MAP4K4: variants seen among roughly 807,000 people sequenced by gnomAD.
The protein encoded by MAP4K4 is HPK/GCK-like kinase HGK.
In MAP4K4, 38 loss-of-function variants were observed where a neutral mutation model predicts 189.6. The observed-to-expected ratio is 0.20, with a 90% CI of 0.15 to 0.26. The LOEUF is 0.26. Ranked by LOEUF, MAP4K4 falls within the 10% of genes least tolerant of loss-of-function variation. MAP4K4 has a pLI of 1.00. For missense variants in MAP4K4, 1,054 were observed against 1,726.9 expected (o/e 0.61, Z 6.91); for synonymous variants, 610 against 624.3 (o/e 0.98, Z 0.34).
exon 1 of MAP4K4, chr2:101,698,105 A>T: frequency 7.7e-7 from 1 of 1,298,994 alleles, no homozygotes; most frequent in Non-Finnish European, 1.0e-6. Flanking sequence ...CCCTGCAAAA[A>T]GTCTGGTGGA....
intron 16 of MAP4K4, among the ~76,000 whole-genome samples, 155 bp from the exon 17 acceptor site, chr2:101,863,666 G>C (rs1235257223): frequency 6.6e-6 from 1 of 152,180 alleles, no homozygotes; most frequent in African/African-American, 2.4e-5. Flanking sequence ...TCTTCACTTT[G>C]AAGTGTAACT....
intron 2 of MAP4K4, among the ~76,000 whole-genome samples, chr2:101,773,733 A>T (rs929353588): frequency 1.3e-5 from 2 of 152,090 alleles, no homozygotes; most frequent in African/African-American, 4.8e-5. Flanking sequence ...CCCCCTCCCC[A>T]ACCACACTTA....
chr2:101,723,801 AG>A (rs1331788563), intron 2 of MAP4K4, among the ~76,000 whole-genome samples: 2 of 152,150 alleles, frequency 1.3e-5, no homozygotes, highest in African/African-American at 4.8e-5. Flanking sequence ...GAATTGGAGG[AG>A]GAGATTTTAG....
chr2:101,846,844 G>A (rs1221558544), intron 12 of MAP4K4, among the ~76,000 whole-genome samples: 2 of 152,160 alleles, frequency 1.3e-5, no homozygotes, highest in East Asian at 3.9e-4. Flanking sequence ...CTTGTTACTA[G>A]CCTGGGTAAT....
At chr2:101,831,601 C>A in intron 6 of MAP4K4, 120 bp from the exon 7 acceptor site, 1 of 1,095,868 alleles carries the variant, frequency 9.1e-7, no homozygotes, top group Non-Finnish European at 1.4e-6. Context: ...ATCGCATATT[C>A]ATGAAGCACT....
intron 2 of MAP4K4, among the ~76,000 whole-genome samples, chr2:101,782,022 G>A (rs186952872): frequency 1.1e-4 from 17 of 152,240 alleles, no homozygotes; most frequent in African/African-American, 3.6e-4. Flanking sequence ...TAATATTCCC[G>A]GAGGCTATCC....
intron 3 of MAP4K4, among the ~76,000 whole-genome samples, chr2:101,809,360 T>G (rs34583946): frequency 0.011 from 1,671 of 152,210 alleles, 25 homozygotes; most frequent in African/African-American, 0.031. Context: ...AGTTTTTTTT[T>G]TTGTTGTTGT....
intron 31 of MAP4K4, 35 bp from the exon 32 acceptor site, chr2:101,888,761 T>G: frequency 6.4e-7 from 1 of 1,553,896 alleles, no homozygotes; most frequent in South Asian, 1.3e-5. Context: ...TGTTTCCTCA[T>G]CTTTAACGGT....
chr2:101,738,618 C>G (rs1324619365), intron 2 of MAP4K4, among the ~76,000 whole-genome samples: 1 of 152,102 alleles, frequency 6.6e-6, no homozygotes, highest in African/African-American at 2.4e-5. Context: ...TTAAAGACAT[C>G]TTGCACCTGT....
At chr2:101,840,729 C>T (rs372785601) in intron 10 of MAP4K4, among the ~76,000 whole-genome samples, 30 of 152,268 alleles carry the variant, frequency 2.0e-4, no homozygotes, top group African/African-American at 7.2e-4. Context: ...GGTTAAGTGG[C>T]ATCCTATTAC....
Position 101,838,153 on chromosome 2 carries a change from C to T in MAP4K4, c.774-1666C>T, listed in dbSNP as rs147901016. Among the ~76,000 whole-genome samples, 118 of 152,256 alleles carry T rather than the reference C, an allele frequency of 7.8e-4. 1 individual carries two copies. Among genetic ancestry groups the T allele is most frequent in the African/African-American group, 2.5e-3 (105 of 41,542 alleles). Reference sequence around the variant, plus strand: ...GAAATACGTTGTAGATCATTGATTCCGAGATGTTAGTCTGTGGACACAATG... The same window carrying T: ...GAAATACGTTGTAGATCATTGATTCTGAGATGTTAGTCTGTGGACACAATG... On this transcript the variant is annotated intron_variant, in intron 9 of 32. Coordinates refer to ENST00000324219, the Ensembl canonical transcript of MAP4K4.
intron 1 of MAP4K4, 133 bp downstream of exon 1, chr2:101,698,270 C>T (rs1194452467): frequency 1.2e-5 from 5 of 432,874 alleles, no homozygotes; most frequent in African/African-American, 2.2e-5. Context: ...CCTTTGTCTT[C>T]CTGTGCGGGC....
chr2:101,851,524 T>A (rs767193587), intron 12 of MAP4K4, among the ~76,000 whole-genome samples: 9 of 152,142 alleles, frequency 5.9e-5, no homozygotes, highest in Admixed American at 2.6e-4. Flanking sequence ...AGAGGCCAGC[T>A]TTTCACATTA....
chr2:101,799,941 T>C (rs996715723), intron 3 of MAP4K4, among the ~76,000 whole-genome samples: 1 of 152,056 alleles, frequency 6.6e-6, no homozygotes, highest in Non-Finnish European at 1.5e-5. Flanking sequence ...TAGAGAACAG[T>C]GGCCACATGT....
intron 2 of MAP4K4, among the ~76,000 whole-genome samples, chr2:101,704,590 T>TTTTTTTG: frequency 8.4e-6 from 1 of 119,158 alleles, no homozygotes; most frequent in African/African-American, 3.1e-5. Flanking sequence ...TTTTTTTTTT[T>TTTTTTTG]GAGATGGTGT....
chr2:101,850,967 T>A (rs2097264941), intron 12 of MAP4K4, among the ~76,000 whole-genome samples: 1 of 152,210 alleles, frequency 6.6e-6, no homozygotes, highest in Non-Finnish European at 1.5e-5. Flanking sequence ...GAAATAGCAG[T>A]CCAAAGAATT....
chr2:101,882,848 A>G (rs979493335), intron 28 of MAP4K4, among the ~76,000 whole-genome samples, 163 bp downstream of exon 28: 1 of 152,034 alleles, frequency 6.6e-6, no homozygotes, highest in Non-Finnish European at 1.5e-5. Context: ...GCACATTCTA[A>G]TCTTGAAGTC....
chr2:101,773,290 C>A lies in MAP4K4; in HGVS notation c.124-17430C>A, dbSNP rs2082352074. Among the ~76,000 whole-genome samples, 3 of 152,306 alleles carry A rather than the reference C, an allele frequency of 2.0e-5. No homozygotes were observed. The South Asian group carries it at 6.2e-4, about 32-fold the overall frequency. ...AGGGAGGGCAGCAAGGGGGAGGGAA[C>A]AAAGACAATGCCAACAAAGCAAAAT... is the stretch of plus-strand genomic sequence containing the variant. On this transcript the variant is annotated intron_variant, in intron 2 of 32. Coordinates refer to ENST00000324219, the Ensembl canonical transcript of MAP4K4.
chr2:101,869,663 T>C (rs1443416958), exon 22 of MAP4K4: 1 of 1,610,100 alleles, frequency 6.2e-7, no homozygotes, highest in East Asian at 2.2e-5. Context: ...CAGTGGAAGA[T>C]GTACGGCCAC....
Sources: gnomAD v4.1 joint callset for allele counts (sites outside exome capture counted in the v4.1 genomes callset) on GRCh38, gnomAD v4.1.1 for gene constraint, MANE v1.5 for transcripts, NCBI Gene and HGNC (gene_info 2026-07-23, HGNC 2026-07-21) for gene names.